Variants in TAF4B observed in about 807,000 individuals in gnomAD.
TAF4B encodes the protein transcription initiation factor TFIID subunit 4B.
In TAF4B, 38 loss-of-function variants were observed where a neutral mutation model predicts 86.4. The ratio of observed to expected loss-of-function variants is 0.44; its 90% confidence interval spans 0.34 to 0.58. TAF4B has a LOEUF of 0.58. Ranked by LOEUF, TAF4B falls within the 20% of genes least tolerant of loss-of-function variation. The pLI is 0.02. For synonymous variants in TAF4B, 388 were observed against 391.2 expected (o/e 0.99, Z 0.10); for missense variants, 988 against 1,027.6 (o/e 0.96, Z 0.53).
chr18:26,343,599 G>C (rs2057153158), intron 13 of TAF4B, among the ~76,000 whole-genome samples: 1 of 152,196 alleles, frequency 6.6e-6, no homozygotes, highest in African/African-American at 2.4e-5. Flanking sequence ...TTCTCCAAAG[G>C]ATTTCTAGAA....
At chr18:26,346,797 A>ATATATATATG (rs1555623653) in intron 13 of TAF4B, among the ~76,000 whole-genome samples, 1 of 21,384 alleles carries the variant, frequency 4.7e-5, no homozygotes, top group African/African-American at 1.1e-4. Context: ...ATATATATAT[A>ATATATATATG]TGTGTATATA....
At chr18:26,346,821 GTGTA>G (rs1482930347) in intron 13 of TAF4B, among the ~76,000 whole-genome samples, 340 of 22,490 alleles carry the variant, frequency 0.015, 38 homozygotes, top group African/African-American at 0.032. Flanking sequence ...ATATATGTGT[GTGTA>G]TATATATATA....
At chr18:26,313,415 G>C (rs1312077332) in intron 9 of TAF4B, among the ~76,000 whole-genome samples, 1 of 152,118 alleles carries the variant, frequency 6.6e-6, no homozygotes, top group Non-Finnish European at 1.5e-5. Context: ...TGGACACATT[G>C]ATTTATTTAT....
intron 3 of TAF4B, among the ~76,000 whole-genome samples, 156 bp downstream of exon 3, chr18:26,267,779 G>A (rs2056261163): frequency 6.6e-6 from 1 of 152,206 alleles, no homozygotes; most frequent in Non-Finnish European, 1.5e-5. Flanking sequence ...ACTGTTGGAG[G>A]TATGGGAAAC....
chr18:26,272,784 A>G (rs886590473), intron 3 of TAF4B, among the ~76,000 whole-genome samples: 1 of 152,200 alleles, frequency 6.6e-6, no homozygotes, highest in Non-Finnish European at 1.5e-5. Flanking sequence ...CTAAAAATTT[A>G]TTAGAAAATC....
intron 14 of TAF4B, among the ~76,000 whole-genome samples, chr18:26,358,486 G>A (rs749087330): frequency 1.4e-4 from 21 of 152,150 alleles, no homozygotes; most frequent in Non-Finnish European, 2.5e-4. Flanking sequence ...CAAGGCGGGC[G>A]GATCACAAGG....
intron 1 of TAF4B, among the ~76,000 whole-genome samples, chr18:26,231,544 G>T (rs1217186904): frequency 6.6e-6 from 1 of 151,642 alleles, no homozygotes; most frequent in African/African-American, 2.4e-5. Flanking sequence ...TAAAGACAGG[G>T]TTTTGCTAAG....
At chr18:26,271,317 C>T (rs1168925826) in intron 3 of TAF4B, among the ~76,000 whole-genome samples, 2 of 152,126 alleles carry the variant, frequency 1.3e-5, no homozygotes, top group African/African-American at 4.8e-5. Flanking sequence ...TAGTTTGGCC[C>T]ATTGTTAGAT....
At position 26,388,916 on chromosome 18, in the gene TAF4B, A is replaced by G. The variant is rs145843375; in HGVS notation, c.2422-929A>G. On this transcript the variant is annotated intron_variant, in intron 14 of 14. Transcript: ENST00000269142. ...CTGCAACCTCCGCCTCCTGGGTTCA[A>G]TTCTCCTGCCTTAGCCTCCCTGGTA... Among the ~76,000 whole-genome samples, 739 of 152,190 alleles carry G rather than the reference A, an allele frequency of 4.9e-3. 8 individuals carry two copies. Among genetic ancestry groups the G allele is most frequent in the African/African-American group, 0.017 (699 of 41,516 alleles).
At chr18:26,352,025 A>G (rs77265244) in intron 13 of TAF4B, among the ~76,000 whole-genome samples, 11,386 of 152,194 alleles carry the variant, frequency 0.075, 539 homozygotes, top group Non-Finnish European at 0.1. Context: ...AAAAATTAAT[A>G]TAAAACATTT....
At chr18:26,321,907 T>A (rs2144677542) in intron 11 of TAF4B, among the ~76,000 whole-genome samples, 2 of 152,222 alleles carry the variant, frequency 1.3e-5, no homozygotes, top group Middle Eastern at 6.8e-3. Context: ...ATTGGCTACT[T>A]TTATTAAAAA....
rs1163208724 is a variant in TAF4B, at chr18:26,357,807, T to A, written c.2421+13T>A. 1 of 1,559,302 alleles carries A rather than the reference T, an allele frequency of 6.4e-7. No homozygotes were observed. On this transcript the variant is annotated intron_variant, in intron 14 of 14. Coordinates refer to ENST00000269142, the MANE Select transcript of TAF4B (RefSeq NM_005640.3). Reference sequence around the variant, plus strand: ...ATCTGGAATTGAGGTATTGAAATAATATTCATTATTTTATTTTTAATGTCA... The same window carrying A: ...ATCTGGAATTGAGGTATTGAAATAAAATTCATTATTTTATTTTTAATGTCA...
chr18:26,388,901 C>T (rs1051881635), intron 14 of TAF4B, among the ~76,000 whole-genome samples: 12 of 152,152 alleles, frequency 7.9e-5, no homozygotes, highest in Non-Finnish European at 1.2e-4. Flanking sequence ...CTGCAACCTC[C>T]GCCTCCTGGG....
chr18:26,361,497 GCAC>G (rs1459214860), intron 14 of TAF4B, among the ~76,000 whole-genome samples: 9 of 151,756 alleles, frequency 5.9e-5, no homozygotes, highest in Non-Finnish European at 1.2e-4. Context: ...TGTAATCCCA[GCAC>G]ATTGGGAGGC....
At chr18:26,375,041 C>T (rs12458061) in intron 14 of TAF4B, among the ~76,000 whole-genome samples, 12,305 of 152,120 alleles carry the variant, frequency 0.081, 591 homozygotes, top group Middle Eastern at 0.12. Context: ...TTTTCATTAC[C>T]CTACAAAGAA....
intron 3 of TAF4B, 28 bp from the exon 4 acceptor site, chr18:26,274,635 C>A (rs372110388): frequency 1.9e-6 from 3 of 1,613,086 alleles, no homozygotes; most frequent in Non-Finnish European, 2.5e-6. Flanking sequence ...GTAATACATG[C>A]CTAAATATTT....
At chr18:26,276,163 C>T (rs1440511136) in intron 5 of TAF4B, among the ~76,000 whole-genome samples, 1 of 152,026 alleles carries the variant, frequency 6.6e-6, no homozygotes, top group Non-Finnish European at 1.5e-5. Flanking sequence ...GCTCTTAGGC[C>T]TCACTTTCCT....
At chr18:26,333,865 A>G (rs939649113) in intron 12 of TAF4B, among the ~76,000 whole-genome samples, 4 of 152,036 alleles carry the variant, frequency 2.6e-5, no homozygotes, top group Admixed American at 6.6e-5. Flanking sequence ...TCCTTATATC[A>G]TCTGTCTCCA....
At position 26,322,061 on chromosome 18, in the gene TAF4B, A is replaced by AAAAT. The variant is rs146042843; in HGVS notation, c.2133+876_2133+879dup. On this transcript the variant is annotated intron_variant, in intron 11 of 14. Coordinates refer to ENST00000269142, the MANE Select transcript of TAF4B (RefSeq NM_005640.3). Reference sequence around the variant, plus strand: ...TGAAAAGAGAAGGTAACCTGAGTTGAAAATAAATAAATAAATAAGATAACT... The same window carrying AAAAT: ...TGAAAAGAGAAGGTAACCTGAGTTGAAAATAAATAAATAAATAAATAAGATAACT... Among the ~76,000 whole-genome samples, 10 of 152,234 alleles carry AAAAT rather than the reference A, an allele frequency of 6.6e-5. No homozygotes were observed. The South Asian group carries it at 1.2e-3, about 19-fold the overall frequency.
Sources: gnomAD v4.1 joint callset for allele counts (sites outside exome capture counted in the v4.1 genomes callset) on GRCh38, gnomAD v4.1.1 for gene constraint, MANE v1.5 for transcripts, NCBI Gene and HGNC (gene_info 2026-07-23, HGNC 2026-07-21) for gene names.